The following ANKRD45 variants were observed in gnomAD, a reference collection of about 807,000 sequenced individuals.
ANKRD45 encodes the protein ankyrin repeat domain 45.
Under a neutral mutation model 28.1 loss-of-function variants are expected in ANKRD45, and 21 were observed. That is an observed-to-expected ratio of 0.75 (90% confidence interval 0.53 to 1.08). ANKRD45 has a LOEUF of 1.08. Among genes scored for constraint, ANKRD45 ranks in the 50% least tolerant of loss-of-function variants. The pLI is 0.00. For missense variants in ANKRD45, 261 were observed against 308.7 expected, an observed-to-expected ratio of 0.85 and a Z score of 1.16; for synonymous variants, 86 against 103.9, an observed-to-expected ratio of 0.83 and a Z score of 1.05.
chr1:173,620,526 C>T (rs1667653481), intron 5 of ANKRD45, among the ~76,000 whole-genome samples: 2 of 152,140 alleles, frequency 1.3e-5, no homozygotes, highest in Non-Finnish European at 2.9e-5. Context: ...AACAACCTAA[C>T]ACCACAACTG....
At chr1:173,670,627 C>T (rs73033131), upstream of ANKRD45, among the ~76,000 whole-genome samples, 1 of 152,210 alleles carries the variant, frequency 6.6e-6, no homozygotes, top group South Asian at 2.1e-4. Flanking sequence ...CAAAATTTCA[C>T]CATTGTTACA....
chr1:173,700,157 C>T, the ANKRD45 span, among the ~76,000 whole-genome samples: 2 of 152,176 alleles, frequency 1.3e-5, no homozygotes, highest in South Asian at 4.2e-4. Flanking sequence ...AACCACTGCT[C>T]AACAAAATAA....
At chr1:173,674,220 C>T (rs977579374), upstream of ANKRD45, among the ~76,000 whole-genome samples, 2 of 152,014 alleles carry the variant, frequency 1.3e-5, no homozygotes, top group Admixed American at 1.3e-4. Context: ...TGCCATGTTG[C>T]CCAGGCTGGT....
chr1:173,647,375 G>A (rs1198940166), intron 2 of ANKRD45, among the ~76,000 whole-genome samples: 4 of 152,108 alleles, frequency 2.6e-5, no homozygotes, highest in Non-Finnish European at 5.9e-5. Flanking sequence ...TATTCTGAAC[G>A]CAACTGGACC....
chr1:173,639,456 T>TAATAAA (rs1319186935), intron 3 of ANKRD45, among the ~76,000 whole-genome samples: 1 of 152,092 alleles, frequency 6.6e-6, no homozygotes, highest in African/African-American at 2.4e-5. Flanking sequence ...AAGGAAAAGT[T>TAATAAA]AATAAAAATA....
At chr1:173,705,403 C>G in the ANKRD45 span, among the ~76,000 whole-genome samples, 1 of 151,322 alleles carries the variant, frequency 6.6e-6, no homozygotes, top group Non-Finnish European at 1.5e-5. Context: ...GTGGCTCATA[C>G]CTGCAATCCC....
Position 173,645,044 on chromosome 1 carries a change from T to C in ANKRD45, c.496+1802A>G, listed in dbSNP as rs79248871. ...TGTGAATTTCACCTAAAATTACTAT[T>C]CATGGGGGGAATCAATTGAATTATT... On this transcript the variant is annotated intron_variant, in intron 3 of 5. Transcript: ENST00000333279. 8.6e-3 allele frequency among the ~76,000 whole-genome samples: 1,313 copies of C among 152,140 alleles called. 21 individuals are homozygous for C. Among genetic ancestry groups the C allele is most frequent in the African/African-American group, 0.031 (1,268 of 41,518 alleles).
Position 173,608,768 on chromosome 1 carries a change from G to GGA in ANKRD45, c.*1375_*1376dup, listed in dbSNP as rs142383048. On this transcript the variant is annotated 3_prime_UTR_variant, in exon 6 of 6. Transcript: ENST00000333279. ...ACCCTGTCAAGAAGGTTGCGGGGGT[G>GGA]GAGAGAGAGAGAGAGATAAGAGAGG... Among the ~76,000 whole-genome samples, 5 of 143,532 alleles carry GGA rather than the reference G, an allele frequency of 3.5e-5. No individual in the cohort carries two copies. The highest frequency in any genetic ancestry group is 2.3e-4 in the South Asian group (1 of 4,354). 94.2% of individuals were successfully genotyped at this position (143,532 alleles called of 152,430 possible). A position where few individuals can be genotyped will look rare whatever the true frequency, so the allele number is the denominator to read the frequency against.
intron 1 of ANKRD45, among the ~76,000 whole-genome samples, chr1:173,668,225 T>C (rs1670104955): frequency 6.6e-6 from 1 of 152,026 alleles, no homozygotes; most frequent in Non-Finnish European, 1.5e-5. Context: ...GACCTAGAAA[T>C]AGGAAAGTCT....
chr1:173,648,255 T>A (rs1300927498), intron 2 of ANKRD45, among the ~76,000 whole-genome samples: 1 of 152,048 alleles, frequency 6.6e-6, no homozygotes, highest in African/African-American at 2.4e-5. Flanking sequence ...TTTTAAATAT[T>A]TTGCAGAGAC....
chr1:173,636,029 T>C (rs1157106210), intron 3 of ANKRD45, among the ~76,000 whole-genome samples: 1 of 152,140 alleles, frequency 6.6e-6, no homozygotes, highest in Non-Finnish European at 1.5e-5. Context: ...CAAATGTGTA[T>C]TGAATTAGAA....
intron 4 of ANKRD45, 55 bp downstream of exon 4, chr1:173,627,010 T>C: frequency 7.6e-7 from 1 of 1,319,482 alleles, no homozygotes; most frequent in Non-Finnish European, 1.1e-6. Context: ...AAAATTAAAA[T>C]GTAAGACAAA....
At chr1:173,651,022 T>A (rs9803675) in intron 2 of ANKRD45, among the ~76,000 whole-genome samples, 25,837 of 152,128 alleles carry the variant, frequency 0.17, 7,308 homozygotes, top group African/African-American at 0.59. Flanking sequence ...ATTGCAAAAA[T>A]TTTCTCCCAT....
At chr1:173,672,427 G>GAC (rs1266930720), upstream of ANKRD45, among the ~76,000 whole-genome samples, 1 of 152,154 alleles carries the variant, frequency 6.6e-6, no homozygotes, top group African/African-American at 2.4e-5. Flanking sequence ...GATGGAAGAT[G>GAC]ACTTATGATG....
chr1:173,646,990 C>G lies in ANKRD45; in HGVS notation c.352G>C (p.Ala118Pro). 2 of 1,614,022 alleles carry G rather than the reference C, an allele frequency of 1.2e-6. No individual in the cohort carries two copies. Among genetic ancestry groups the G allele is most frequent in the South Asian group, 2.2e-5 (2 of 91,064 alleles). The change falls in exon 3 of 6, where the codon GCA (alanine) becomes CCA (proline). Residue 118 changes from alanine to proline, a missense_variant. By Grantham distance (27) the Ala-to-Pro change is conservative. Coordinates refer to ENST00000333279, the MANE Select transcript of ANKRD45 (RefSeq NM_198493.3). The stretch of plus-strand genomic sequence containing the variant: ...AAAGTTTCCAAACGACCCCAGGCTG[C>G]AGCACAATGTAAGAGTGTGTACCCT... ...TRGYTLLHCA[A>P]AWGRLETLKA...
intron 3 of ANKRD45, among the ~76,000 whole-genome samples, chr1:173,642,950 C>A (rs1343892847): frequency 6.6e-6 from 1 of 152,122 alleles, no homozygotes; most frequent in African/African-American, 2.4e-5. Flanking sequence ...GAGCAGCAAC[C>A]CTTTCTGCAG....
chr1:173,628,242 C>T (rs897637384), intron 3 of ANKRD45, among the ~76,000 whole-genome samples: 3 of 150,068 alleles, frequency 2.0e-5, no homozygotes, highest in Admixed American at 6.6e-5. Flanking sequence ...TTCTGCTTGA[C>T]GAAAGGAGAG....
At chr1:173,675,274 G>GAA in the ANKRD45 span, 1 of 264,296 alleles carries the variant, frequency 3.8e-6, no homozygotes, top group Non-Finnish European at 7.6e-6. Flanking sequence ...AAAAAAGAAG[G>GAA]AAAAAAAATT....
At chr1:173,649,886 T>C (rs190947265) in intron 2 of ANKRD45, among the ~76,000 whole-genome samples, 5 of 152,284 alleles carry the variant, frequency 3.3e-5, no homozygotes, top group East Asian at 1.9e-4. Flanking sequence ...ATATATTAAA[T>C]AGTTCATTTT....
Sources: allele counts gnomAD v4.1 joint callset (sites outside exome capture counted in the v4.1 genomes callset), GRCh38; gene constraint gnomAD v4.1.1; transcripts MANE v1.5; gene names NCBI Gene and HGNC (gene_info 2026-07-23, HGNC 2026-07-21).